The following DPYD variants were observed in gnomAD, a reference collection of about 807,000 sequenced individuals.
DPYD encodes the protein dihydropyrimidine dehydrogenase [NADP(+)].
In DPYD, 109 loss-of-function variants were observed where a neutral mutation model predicts 116.2. The ratio of observed to expected loss-of-function variants is 0.94; its 90% CI spans 0.80 to 1.10. DPYD has a LOEUF of 1.10. Among genes scored for constraint, DPYD ranks in the 50% least tolerant of loss-of-function variants. The pLI is 0.00. For synonymous variants in DPYD, 440 were observed against 432.0 expected, an observed-to-expected ratio of 1.02 and a Z score of -0.23; for missense variants, 1,302 against 1,254.5, an observed-to-expected ratio of 1.04 and a Z score of -0.57.
chr1:97,724,078 C>A (rs1158383327), intron 4 of DPYD, among the ~76,000 whole-genome samples: 1 of 151,474 alleles, frequency 6.6e-6, no homozygotes, highest in Non-Finnish European at 1.5e-5. Context: ...AGGCACTTGA[C>A]AAATTCAACA....
chr1:97,318,670 A>C (rs1668021740), intron 16 of DPYD, among the ~76,000 whole-genome samples: 1 of 151,414 alleles, frequency 6.6e-6, no homozygotes, highest in Non-Finnish European at 1.5e-5. Flanking sequence ...TAGACAGATC[A>C]ACGAGACAGA....
At chr1:97,633,436 C>A (rs1007783658) in intron 8 of DPYD, among the ~76,000 whole-genome samples, 3 of 152,010 alleles carry the variant, frequency 2.0e-5, no homozygotes, top group African/African-American at 7.2e-5. Flanking sequence ...ACACTGACTG[C>A]AATTTTGACT....
chr1:97,571,390 G>A (rs1652885502), intron 11 of DPYD, among the ~76,000 whole-genome samples: 1 of 151,848 alleles, frequency 6.6e-6, no homozygotes. Context: ...AAGAAATTGA[G>A]CCTCAGAAAG....
intron 2 of DPYD, among the ~76,000 whole-genome samples, chr1:97,838,842 A>G (rs767509357): frequency 3.9e-4 from 58 of 150,070 alleles, no homozygotes; most frequent in Non-Finnish European, 7.1e-4. Flanking sequence ...ACAGAGCGAG[A>G]CTCCGTCTCA....
intron 13 of DPYD, among the ~76,000 whole-genome samples, chr1:97,501,230 T>C (rs1679559379): frequency 6.6e-6 from 1 of 152,086 alleles, no homozygotes; most frequent in Non-Finnish European, 1.5e-5. Context: ...AAGTCTAACA[T>C]TAAAACTACT....
intron 12 of DPYD, among the ~76,000 whole-genome samples, chr1:97,526,254 G>C (rs968054863): frequency 6.6e-6 from 1 of 152,052 alleles, no homozygotes; most frequent in Non-Finnish European, 1.5e-5. Context: ...GGGAATTCTC[G>C]AGGAAAGTAA....
chr1:97,670,248 A>T (rs1659788149), intron 8 of DPYD, among the ~76,000 whole-genome samples: 1 of 152,154 alleles, frequency 6.6e-6, no homozygotes, highest in Non-Finnish European at 1.5e-5. Context: ...CTATAGTATG[A>T]TTACCAAACG....
chr1:97,249,980 G>A (rs1295145358), intron 18 of DPYD, among the ~76,000 whole-genome samples: 4 of 152,058 alleles, frequency 2.6e-5, no homozygotes, highest in Admixed American at 6.6e-5. Context: ...AGTATAAAAT[G>A]ATAAATCACG....
At chr1:97,238,912 C>T (rs374824094) in intron 18 of DPYD, among the ~76,000 whole-genome samples, 17 of 152,188 alleles carry the variant, frequency 1.1e-4, no homozygotes, top group Non-Finnish European at 2.9e-5. Flanking sequence ...AGCCATTCTG[C>T]TTCAACTGTG....
chr1:97,327,549 C>T (rs1668770389), intron 16 of DPYD, among the ~76,000 whole-genome samples: 1 of 151,958 alleles, frequency 6.6e-6, no homozygotes, highest in East Asian at 1.9e-4. Flanking sequence ...TTAAAAAGGT[C>T]TATTTCCTTT....
chr1:97,340,706 T>C lies in DPYD; in HGVS notation c.2058+32855A>G, dbSNP rs578215754. Among the ~76,000 whole-genome samples the C allele has an allele frequency of 2.6e-5, 4 of 152,042 alleles. 1 individual carries two copies. The highest frequency in any genetic ancestry group is 9.6e-5 in the African/African-American group (4 of 41,506). ...ATAAAAGAAAATAAAAACACAACAA[T>C]GGGAAATTTTAATAGGTATCTGTTA... On this transcript the variant is annotated intron_variant, in intron 16 of 22. Transcript: ENST00000370192.
intron 14 of DPYD, among the ~76,000 whole-genome samples, chr1:97,398,333 A>C (rs1460596436): frequency 6.6e-6 from 1 of 152,000 alleles, no homozygotes; most frequent in Non-Finnish European, 1.5e-5. Flanking sequence ...TATTTTCTTA[A>C]TCCAGTCTAT....
rs903276431 is a variant in DPYD at position 97,250,703 on chromosome 1, T to G, written c.2300-15709A>C. 3.3e-5 allele frequency among the ~76,000 whole-genome samples: 5 copies of G among 152,134 alleles called. No homozygotes were observed. The East Asian group carries it at 9.6e-4, about 29-fold the overall frequency. ...AGAGAAAGAGAGAATAGAATGAATA[T>G]TATTTAGTTTATATGAAGTTTTAGT... On this transcript the variant is annotated intron_variant, in intron 18 of 22. Coordinates refer to ENST00000370192, the MANE Select transcript of DPYD (RefSeq NM_000110.4).
intron 19 of DPYD, among the ~76,000 whole-genome samples, chr1:97,220,947 T>C (rs1660733065): frequency 6.6e-6 from 1 of 152,134 alleles, no homozygotes; most frequent in Non-Finnish European, 1.5e-5. Flanking sequence ...TATCCAAAAA[T>C]GTGATCAAAT....
intron 2 of DPYD, among the ~76,000 whole-genome samples, chr1:97,839,976 G>A (rs1669960074): frequency 6.6e-6 from 1 of 152,008 alleles, no homozygotes; most frequent in Non-Finnish European, 1.5e-5. Context: ...TTTATTTTTA[G>A]ATATTGCCTA....
chr1:97,356,011 T>C (rs1438711983), intron 16 of DPYD, among the ~76,000 whole-genome samples: 1 of 152,190 alleles, frequency 6.6e-6, no homozygotes, highest in Non-Finnish European at 1.5e-5. Context: ...TTTTATGATG[T>C]TTCCATAAAA....
intron 20 of DPYD, among the ~76,000 whole-genome samples, chr1:97,110,263 G>A (rs138816923): frequency 1.8e-4 from 27 of 152,174 alleles, no homozygotes; most frequent in African/African-American, 6.5e-4. Context: ...ACATAATGGA[G>A]AATAAAACAG....
intron 3 of DPYD, among the ~76,000 whole-genome samples, chr1:97,753,959 T>C (rs1018061682): frequency 1.3e-5 from 2 of 152,260 alleles, no homozygotes; most frequent in African/African-American, 4.8e-5. Flanking sequence ...ATTGTCCCCA[T>C]TAAAACTATT....
chr1:97,554,153 A>C (rs1651519445), intron 11 of DPYD, among the ~76,000 whole-genome samples: 1 of 152,154 alleles, frequency 6.6e-6, no homozygotes. Flanking sequence ...TTAAAATTGC[A>C]GAAACCGTCC....
Sources: gnomAD v4.1 joint callset for allele counts (sites outside exome capture counted in the v4.1 genomes callset) on GRCh38, gnomAD v4.1.1 for gene constraint, MANE v1.5 for transcripts, NCBI Gene and HGNC (gene_info 2026-07-23, HGNC 2026-07-21) for gene names.